The following ATXN10 variants were observed in gnomAD, a reference collection of about 807,000 sequenced individuals.
The protein encoded by ATXN10 is ataxin-10.
Under a neutral mutation model 52.9 loss-of-function variants are expected in ATXN10, and 28 were observed. The ratio of observed to expected loss-of-function variants is 0.53; its 90% CI spans 0.39 to 0.73. The LOEUF (loss-of-function observed/expected upper bound fraction) is 0.73. Among genes scored for constraint, ATXN10 ranks in the 30% least tolerant of loss-of-function variants. The probability of loss-of-function intolerance (pLI) is 0.00; values close to 1 mark genes in which losing one functional copy is unlikely to be tolerated. For synonymous variants in ATXN10, 226 were observed against 221.5 expected (o/e 1.02, Z -0.18); for missense variants, 565 against 577.0 (o/e 0.98, Z 0.21).
intron 9 of ATXN10, among the ~76,000 whole-genome samples, chr22:45,745,839 T>C (rs1925706560): frequency 6.6e-6 from 1 of 152,198 alleles, no homozygotes; most frequent in South Asian, 2.1e-4. Flanking sequence ...GTTCTGAAGA[T>C]ACACAGCAAG....
In ATXN10 at chr22:45,774,932, T is replaced by C. The variant is rs952647866; in HGVS notation, c.1174-32027T>C. On this transcript the variant is annotated intron_variant, in intron 9 of 11. Transcript: ENST00000252934. This position sits in a 1 kb window ranked among gnomAD's most constrained non-coding sequence, Gnocchi z 6.2. ...GCCAGCCTGGGTGACAGAGTGAGACTCTGTCTCAAAACAAACAAATAAATA... is the reference window on the plus strand; with the variant it reads ...GCCAGCCTGGGTGACAGAGTGAGACCCTGTCTCAAAACAAACAAATAAATA... Among the ~76,000 whole-genome samples the C allele has an allele frequency of 1.3e-5, 2 of 152,106 alleles. No individual in the cohort carries two copies. Among genetic ancestry groups the C allele is most frequent in the African/African-American group, 4.8e-5 (2 of 41,420 alleles).
chr22:45,753,377 C>CTTTTTTTTT (rs71190680), intron 9 of ATXN10, among the ~76,000 whole-genome samples: 1 of 57,870 alleles, frequency 1.7e-5, no homozygotes, highest in Non-Finnish European at 3.2e-5. Flanking sequence ...CTCTTACCAG[C>CTTTTTTTTT]TTTTTTTTTT....
In ATXN10 at chr22:45,789,204, T is replaced by A. The variant is rs539862864; in HGVS notation, c.1174-17755T>A. On this transcript the variant is annotated intron_variant, in intron 9 of 11. Coordinates refer to ENST00000252934, the MANE Select transcript of ATXN10 (RefSeq NM_013236.4). The surrounding 1 kb of genome is among the most constrained non-coding windows in gnomAD (Gnocchi z 4.0). ...CACTCTCAATCTCTAGTAGATCATC[T>A]TAATTATTTATTTTATAGGAATTAC... 4.6e-5 allele frequency among the ~76,000 whole-genome samples: 7 copies of A among 152,366 alleles called. No individual in the cohort carries two copies. Among genetic ancestry groups the A allele is most frequent in the Non-Finnish European group, 1.0e-4 (7 of 68,044 alleles).
intron 6 of ATXN10, among the ~76,000 whole-genome samples, chr22:45,729,036 C>G (rs1924983387): frequency 6.6e-6 from 1 of 152,136 alleles, no homozygotes; most frequent in African/African-American, 2.4e-5. Context: ...TTAAGTGATA[C>G]AATGTGTGTA....
chr22:45,815,866 C>T (rs1388130927), intron 10 of ATXN10, among the ~76,000 whole-genome samples: 1 of 152,122 alleles, frequency 6.6e-6, no homozygotes, highest in African/African-American at 2.4e-5. Flanking sequence ...ATTGTAATTC[C>T]TTGAGGGACA....
At chr22:45,796,592 G>A (rs980354989) in intron 9 of ATXN10, among the ~76,000 whole-genome samples, 1 of 152,106 alleles carries the variant, frequency 6.6e-6, no homozygotes, top group Non-Finnish European at 1.5e-5. Context: ...TCTCTCCTTT[G>A]TACTCTTTCT....
chr22:45,676,604 C>G (rs763148427), intron 1 of ATXN10: 2 of 151,852 alleles, frequency 1.3e-5, no homozygotes, highest in Middle Eastern at 3.4e-3. Flanking sequence ...CTCAGCTTCC[C>G]GAGTAGTTGG....
rs1925911315 is a variant in ATXN10 at position 45,750,631 on chromosome 22, G to T, written c.1173+10093G>T. Among the ~76,000 whole-genome samples the T allele has an allele frequency of 1.3e-5, 2 of 151,986 alleles. No individual in the cohort carries two copies. ...ACTGTGAAAAATAAGCCATAATTTT[G>T]ACTATAAAATGAAAATAATTGAGGA... On this transcript the variant is annotated intron_variant, in intron 9 of 11. Transcript: ENST00000252934. The surrounding 1 kb of genome is among the most constrained non-coding windows in gnomAD (Gnocchi z 4.2).
intron 1 of ATXN10, chr22:45,672,981 A>G (rs987716318): frequency 1.3e-5 from 2 of 152,276 alleles, no homozygotes; most frequent in Non-Finnish European, 2.9e-5. Flanking sequence ...CCCTCAGTCA[A>G]TGCTTGTTTG....
Position 45,837,837 on chromosome 22 carries a change from T to G in ATXN10, c.1238-5154T>G, listed in dbSNP as rs1929218510. Among the ~76,000 whole-genome samples the G allele has an allele frequency of 6.6e-6, 1 of 152,260 alleles. No homozygotes were observed. The highest frequency in any genetic ancestry group is 1.9e-4 in the East Asian group (1 of 5,206). ...GCCAGAAATCAGTATTCTTTAGATT[T>G]TTTTCCAATCATCTAAATATATTAA... is the stretch of plus-strand genomic sequence containing the variant. On this transcript the variant is annotated intron_variant, in intron 10 of 11. Transcript: ENST00000252934. The surrounding 1 kb of genome is among the most constrained non-coding windows in gnomAD (Gnocchi z 5.8).
In ATXN10 at chr22:45,816,417, CAG is replaced by C. The variant is rs1928463573; in HGVS notation, c.1237+9398_1237+9399del. ...ACTTCGGTCATGTATGTCTTCCTCTCAGAGTTCTTTCTAGATCCCTTCAGTGA... is the reference window on the plus strand; with the variant it reads ...ACTTCGGTCATGTATGTCTTCCTCTCAGTTCTTTCTAGATCCCTTCAGTGA... On this transcript the variant is annotated intron_variant, in intron 10 of 11. Transcript: ENST00000252934. The surrounding 1 kb of genome is among the most constrained non-coding windows in gnomAD (Gnocchi z 5.8). 3.9e-5 allele frequency among the ~76,000 whole-genome samples: 6 copies of C among 152,312 alleles called. No individual in the cohort carries two copies. The South Asian group carries it at 1.2e-3, about 32-fold the overall frequency.
intron 8 of ATXN10, 30 bp downstream of exon 8, chr22:45,738,869 A>G: frequency 1.3e-6 from 2 of 1,561,708 alleles, no homozygotes; most frequent in Non-Finnish European, 1.8e-6. Context: ...TTGTATTTTT[A>G]GCTAAGAAAT....
intron 1 of ATXN10, among the ~76,000 whole-genome samples, chr22:45,686,263 A>G (rs965905643): frequency 2.7e-5 from 4 of 150,758 alleles, no homozygotes; most frequent in African/African-American, 1.0e-4. Flanking sequence ...TTGAGTGTGC[A>G]AACAGTCTCA....
chr22:45,690,005 G>A lies in ATXN10; in HGVS notation c.308+102G>A, dbSNP rs1923308901. On this transcript the variant is annotated intron_variant, in intron 2 of 11. Transcript: ENST00000252934. The surrounding 1 kb of genome is among the most constrained non-coding windows in gnomAD (Gnocchi z 4.5). Reference sequence around the variant, plus strand: ...AAGTTGTTTTGGGCTGGGTAAGGTGGCTCATGCCTGTAATCCCAGCATTTT... The same window carrying A: ...AAGTTGTTTTGGGCTGGGTAAGGTGACTCATGCCTGTAATCCCAGCATTTT... The A allele has an allele frequency of 8.2e-7, 1 of 1,217,866 alleles. No individual in the cohort carries two copies. Among genetic ancestry groups the A allele is most frequent in the South Asian group, 1.2e-5 (1 of 80,162 alleles). The allele number at this position is 1,217,866 out of a possible 1,614,324, so 75.4% of individuals were successfully genotyped here. A position where few individuals can be genotyped will look rare whatever the true frequency, so the allele number is the denominator to read the frequency against.
intron 8 of ATXN10, among the ~76,000 whole-genome samples, chr22:45,739,930 G>C (rs930429956): frequency 5.9e-5 from 9 of 152,068 alleles, no homozygotes; most frequent in Non-Finnish European, 1.2e-4. Context: ...AGTTGGATGA[G>C]GGAAAAATAA....
chr22:45,726,598 A>G (rs1017089881), intron 6 of ATXN10, among the ~76,000 whole-genome samples: 1 of 152,086 alleles, frequency 6.6e-6, no homozygotes, highest in African/African-American at 2.4e-5. Flanking sequence ...TATTTTTTCA[A>G]AGAACCAACT....
Position 45,715,315 on chromosome 22 carries a change from A to G in ATXN10, c.648-3098A>G, listed in dbSNP as rs1035014737. On this transcript the variant is annotated intron_variant, in intron 5 of 11. Coordinates refer to ENST00000252934, the MANE Select transcript of ATXN10 (RefSeq NM_013236.4). This position sits in a 1 kb window ranked among gnomAD's most constrained non-coding sequence, Gnocchi z 4.4. ...GTTATTCCATTATGCCCAGAAGCAG[A>G]AGCGATAGTTGGAGATTTTAACACC... Among the ~76,000 whole-genome samples, 5 of 152,230 alleles carry G rather than the reference A, an allele frequency of 3.3e-5. No individual in the cohort carries two copies. The highest frequency in any genetic ancestry group is 7.3e-5 in the Non-Finnish European group (5 of 68,042).
At chr22:45,713,723 C>T (rs1332648627) in intron 5 of ATXN10, among the ~76,000 whole-genome samples, 2 of 152,168 alleles carry the variant, frequency 1.3e-5, no homozygotes, top group Non-Finnish European at 2.9e-5. Context: ...AGCCGTTTAC[C>T]TAGTTCTTCC....
At chr22:45,776,701 A>G (rs962575015) in intron 9 of ATXN10, among the ~76,000 whole-genome samples, 7 of 152,194 alleles carry the variant, frequency 4.6e-5, no homozygotes, top group African/African-American at 1.4e-4. Flanking sequence ...ATCATGCATT[A>G]TGTCTTGCTG....
Sources: gnomAD v4.1 joint callset for allele counts (sites outside exome capture counted in the v4.1 genomes callset) on GRCh38, gnomAD v4.1.1 for gene constraint, Gnocchi (gnomAD v3.1) non-coding constraint, MANE v1.5 for transcripts, NCBI Gene and HGNC (gene_info 2026-07-23, HGNC 2026-07-21) for gene names.